Variants in OSBPL1A observed in about 807,000 individuals in gnomAD.
OSBPL1A encodes oxysterol binding protein like 1A, also known as oxysterol-binding protein-related protein 1.
OSBPL1A carries 80 observed loss-of-function variants against 137.1 expected under a neutral mutation model. The ratio of observed to expected loss-of-function variants is 0.58; its 90% confidence interval spans 0.49 to 0.70. OSBPL1A has a LOEUF of 0.70. OSBPL1A is among the 30% of genes least tolerant of loss of function. The pLI, the probability that OSBPL1A is intolerant of heterozygous loss-of-function variation, is 0.00. For synonymous variants in OSBPL1A, 365 were observed against 389.7 expected (o/e 0.94, Z 0.75); for missense variants, 970 against 1,129.4 (o/e 0.86, Z 2.02).
chr18:24,356,180 G>GA (rs113351753), intron 4 of OSBPL1A, among the ~76,000 whole-genome samples: 8 of 149,158 alleles, frequency 5.4e-5, no homozygotes, highest in South Asian at 2.1e-4. Context: ...CATCTCAAAA[G>GA]AAAAAAAAAA....
intron 4 of OSBPL1A, among the ~76,000 whole-genome samples, chr18:24,356,063 C>G (rs943391168): frequency 6.6e-6 from 1 of 151,620 alleles, no homozygotes. Flanking sequence ...GTAATCCCAG[C>G]TACTTGGGAG....
At chr18:24,168,766 C>A (rs1329081829) in intron 24 of OSBPL1A, among the ~76,000 whole-genome samples, 1 of 152,112 alleles carries the variant, frequency 6.6e-6, no homozygotes, top group African/African-American at 2.4e-5. Flanking sequence ...AGGCAGATGA[C>A]AGGAACACAG....
At chr18:24,347,979 T>C (rs1263821655) in intron 4 of OSBPL1A, 2 of 152,120 alleles carry the variant, frequency 1.3e-5, no homozygotes, top group African/African-American at 4.8e-5. Flanking sequence ...GAACACCTTT[T>C]TGGGGTTTAA....
chr18:24,307,167 C>T (rs1331815979), intron 13 of OSBPL1A, among the ~76,000 whole-genome samples: 2 of 151,992 alleles, frequency 1.3e-5, no homozygotes, highest in Admixed American at 1.3e-4. Flanking sequence ...CCTATAGTCT[C>T]AGCTACTTAA....
At chr18:24,355,702 C>T (rs569099356) in intron 4 of OSBPL1A, among the ~76,000 whole-genome samples, 28 of 151,924 alleles carry the variant, frequency 1.8e-4, no homozygotes, top group Admixed American at 1.5e-3. Flanking sequence ...GTCATGATAC[C>T]GGCTGAGCGC....
chr18:24,178,140 T>C lies in OSBPL1A; in HGVS notation c.1966A>G (p.Ser656Gly). Residue 656 changes from serine (S) to glycine (G), a missense_variant, in exon 21 of 28, where the codon AGT (serine) becomes GGT (glycine). Physicochemically the swap from Ser to Gly is moderately conservative, Grantham distance 56. Coordinates refer to ENST00000319481, the MANE Select transcript of OSBPL1A (RefSeq NM_080597.4). The stretch of plus-strand genomic sequence containing the variant: ...TTTAATCCTTCAGCATGAAATGCAC[T>C]GATTGGTGGGTGATGGCTGACCTGT... The part of the protein sequence containing the change: ...SEQVSHHPPI[S>G]AFHAEGLNND... 6.2e-7 allele frequency: 1 copy of C among 1,612,758 alleles called. No homozygotes were observed. Among genetic ancestry groups the C allele is most frequent in the Non-Finnish European group, 8.5e-7 (1 of 1,179,754 alleles).
Position 24,280,846 on chromosome 18 carries a change from T to A in OSBPL1A, c.1277A>T (p.Glu426Val). The A allele has an allele frequency of 6.3e-7, 1 of 1,580,448 alleles. No individual in the cohort carries two copies. The highest frequency in any genetic ancestry group is 8.6e-7 in the Non-Finnish European group (1 of 1,166,724). ...ATTCAATTCTGAACTACCTACCCCT[T>A]CTTGTTTGGTGAAGAGATTAAGGCA... ...TDCLNLFTKQEGVRNFKLEQE... is the reference protein window; with the variant it reads ...TDCLNLFTKQVGVRNFKLEQE... Residue 426 changes from glutamate to valine, a missense_variant, in exon 15 of 28, where the codon GAA (glutamate) becomes GTA (valine). Coordinates refer to ENST00000319481, the MANE Select transcript of OSBPL1A (RefSeq NM_080597.4).
At chr18:24,346,040 GAGTAA>G (rs1182246437) in intron 4 of OSBPL1A, among the ~76,000 whole-genome samples, 3 of 152,188 alleles carry the variant, frequency 2.0e-5, no homozygotes, top group Non-Finnish European at 4.4e-5. Flanking sequence ...AAAGTCAGAG[GAGTAA>G]AGTATTCACT....
chr18:24,196,077 C>T (rs372865870), intron 18 of OSBPL1A, 48 bp downstream of exon 18: 27 of 1,397,960 alleles, frequency 1.9e-5, no homozygotes, highest in African/African-American at 7.1e-5. Context: ...AAAGAATATG[C>T]GATTAAACAT....
intron 15 of OSBPL1A, among the ~76,000 whole-genome samples, chr18:24,268,491 T>C (rs1311758022): frequency 1.3e-5 from 2 of 151,958 alleles, no homozygotes; most frequent in African/African-American, 4.8e-5. Flanking sequence ...CATATACCTA[T>C]ATAACAAATC....
At chr18:24,321,061 A>G (rs1413142449) in intron 7 of OSBPL1A, among the ~76,000 whole-genome samples, 1 of 147,072 alleles carries the variant, frequency 6.8e-6, no homozygotes, top group African/African-American at 2.7e-5. Context: ...GAAAAGAATA[A>G]TAATAATAAC....
At chr18:24,280,714 A>G (rs184609486) in intron 15 of OSBPL1A, 128 bp downstream of exon 15, 4 of 514,236 alleles carry the variant, frequency 7.8e-6, no homozygotes, top group Admixed American at 8.3e-5. Flanking sequence ...TTTGTGACAA[A>G]TGAAGCTTTC....
intron 15 of OSBPL1A, among the ~76,000 whole-genome samples, chr18:24,276,442 G>C (rs759302325): frequency 3.2e-4 from 49 of 152,060 alleles, no homozygotes; most frequent in Middle Eastern, 6.8e-3. Flanking sequence ...CAGTTTTTTT[G>C]TTTGTTTTTT....
At chr18:24,201,772 A>G (rs1396561866) in intron 17 of OSBPL1A, among the ~76,000 whole-genome samples, 2 of 151,796 alleles carry the variant, frequency 1.3e-5, no homozygotes, top group Non-Finnish European at 2.9e-5. Flanking sequence ...AAAAAAAAAA[A>G]GAAAGAAATT....
intron 21 of OSBPL1A, among the ~76,000 whole-genome samples, chr18:24,176,242 G>C (rs1001312826): frequency 6.6e-6 from 1 of 152,164 alleles, no homozygotes; most frequent in African/African-American, 2.4e-5. Flanking sequence ...ACTGCTTATA[G>C]ATCAGTGAGG....
intron 15 of OSBPL1A, among the ~76,000 whole-genome samples, chr18:24,242,582 C>T (rs1184313851): frequency 6.6e-6 from 1 of 152,156 alleles, no homozygotes; most frequent in South Asian, 2.1e-4. Context: ...AGCTGCACAT[C>T]AGGTACAACA....
chr18:24,176,783 C>G (rs2145918337), intron 21 of OSBPL1A, among the ~76,000 whole-genome samples: 1 of 152,300 alleles, frequency 6.6e-6, no homozygotes, highest in South Asian at 2.1e-4. Flanking sequence ...TCTCAGGCCA[C>G]ACAGCATTTC....
At chr18:24,255,419 G>A (rs929923977) in intron 15 of OSBPL1A, among the ~76,000 whole-genome samples, 1 of 152,188 alleles carries the variant, frequency 6.6e-6, no homozygotes. Flanking sequence ...GTCAAGCTGG[G>A]AACTGCTTAG....
intron 18 of OSBPL1A, among the ~76,000 whole-genome samples, chr18:24,182,765 C>T (rs1364174555): frequency 6.6e-6 from 1 of 152,132 alleles, no homozygotes; most frequent in East Asian, 1.9e-4. Context: ...TACATACACT[C>T]TAAGAGCTCA....
Sources: gnomAD v4.1 joint callset for allele counts (sites outside exome capture counted in the v4.1 genomes callset) on GRCh38, gnomAD v4.1.1 for gene constraint, MANE v1.5 for transcripts, NCBI Gene and HGNC (gene_info 2026-07-23, HGNC 2026-07-21) for gene names.